The following RNF150 variants were observed in gnomAD, a reference collection of about 807,000 sequenced individuals.
RNF150 encodes ring finger protein 150.
RNF150 carries 24 observed loss-of-function variants against 39.3 expected under a neutral mutation model. The observed-to-expected ratio is 0.61, with a 90% CI of 0.44 to 0.86. The LOEUF (loss-of-function observed/expected upper bound fraction) is 0.86, where lower values mean the gene tolerates loss of function less well. RNF150 is among the 40% of genes least tolerant of loss of function. The probability of loss-of-function intolerance (pLI) is 0.00; values close to 1 mark genes in which losing one functional copy is unlikely to be tolerated. For synonymous variants in RNF150, 255 were observed against 227.3 expected, an observed-to-expected ratio of 1.12 and a Z score of -1.10; for missense variants, 502 against 587.8, an observed-to-expected ratio of 0.85 and a Z score of 1.51.
intron 1 of RNF150, among the ~76,000 whole-genome samples, chr4:141,099,412 A>G (rs1466586370): frequency 6.6e-6 from 1 of 152,172 alleles, no homozygotes; most frequent in Non-Finnish European, 1.5e-5. Flanking sequence ...TGGCTCAGAA[A>G]GCAGAAAAAG....
intron 1 of RNF150, among the ~76,000 whole-genome samples, chr4:141,167,880 T>C (rs981123637): frequency 6.6e-6 from 1 of 152,194 alleles, no homozygotes; most frequent in African/African-American, 2.4e-5. Flanking sequence ...GACATAGGCA[T>C]GGGCAAAGAC....
intron 1 of RNF150, among the ~76,000 whole-genome samples, chr4:141,103,306 T>A (rs1739080525): frequency 6.6e-6 from 1 of 152,254 alleles, no homozygotes; most frequent in South Asian, 2.1e-4. Context: ...CTCCGAGTTG[T>A]GAAGACTCTC....
At chr4:140,995,003 T>C (rs1439756273) in intron 1 of RNF150, among the ~76,000 whole-genome samples, 3 of 152,212 alleles carry the variant, frequency 2.0e-5, no homozygotes, top group African/African-American at 7.2e-5. Context: ...CCAGTTATAC[T>C]ATTTTATTAA....
chr4:141,028,862 A>G (rs1338330594), intron 1 of RNF150, among the ~76,000 whole-genome samples: 4 of 152,202 alleles, frequency 2.6e-5, no homozygotes, highest in Admixed American at 2.6e-4. Context: ...CCCACACACT[A>G]AAAGCCCATT....
intron 1 of RNF150, among the ~76,000 whole-genome samples, chr4:141,193,668 G>A (rs1021283100): frequency 4.6e-5 from 7 of 152,034 alleles, no homozygotes; most frequent in Non-Finnish European, 7.4e-5. Context: ...CAACAGGAAC[G>A]ACAGCAGCCA....
intron 2 of RNF150, among the ~76,000 whole-genome samples, chr4:140,963,297 G>A (rs1023614564): frequency 6.6e-6 from 1 of 151,946 alleles, no homozygotes; most frequent in African/African-American, 2.4e-5. Context: ...TTAACTTACA[G>A]AAAATTTCTA....
At chr4:141,116,405 G>C (rs1469846446) in intron 1 of RNF150, among the ~76,000 whole-genome samples, 1 of 152,134 alleles carries the variant, frequency 6.6e-6, no homozygotes, top group East Asian at 1.9e-4. Flanking sequence ...ATCATCACTG[G>C]TCATTAGAGG....
intron 1 of RNF150, among the ~76,000 whole-genome samples, chr4:141,185,767 T>C (rs1727996944): frequency 1.3e-5 from 2 of 152,264 alleles, no homozygotes; most frequent in South Asian, 4.1e-4. Context: ...CGAAAGCCTT[T>C]TCTGCATCTA....
At chr4:141,089,149 A>G (rs1738478786) in intron 1 of RNF150, among the ~76,000 whole-genome samples, 1 of 152,328 alleles carries the variant, frequency 6.6e-6, no homozygotes, top group East Asian at 1.9e-4. Context: ...GTTGGACTCC[A>G]GAAACCTCAA....
At chr4:141,008,590 G>A (rs73860249) in intron 1 of RNF150, among the ~76,000 whole-genome samples, 11,547 of 152,066 alleles carry the variant, frequency 0.076, 495 homozygotes, top group Middle Eastern at 0.16. Context: ...ATATGGCATG[G>A]GGCAGGGTTC....
chr4:140,915,073 T>C (rs1296714221), intron 5 of RNF150, among the ~76,000 whole-genome samples: 2 of 152,228 alleles, frequency 1.3e-5, no homozygotes, highest in African/African-American at 4.8e-5. Context: ...ATGAAATTCA[T>C]AAATACGATT....
chr4:141,096,200 T>TC (rs1459160517), intron 1 of RNF150, among the ~76,000 whole-genome samples: 1 of 127,564 alleles, frequency 7.8e-6, no homozygotes, highest in Non-Finnish European at 1.7e-5. Flanking sequence ...CTTTTTTTTT[T>TC]TTTTTTTTTT....
At chr4:141,011,786 A>C (rs1289643418) in intron 1 of RNF150, among the ~76,000 whole-genome samples, 3 of 152,232 alleles carry the variant, frequency 2.0e-5, no homozygotes, top group African/African-American at 7.2e-5. Flanking sequence ...AAAGTAGATT[A>C]ATAGTCACAA....
intron 6 of RNF150, among the ~76,000 whole-genome samples, chr4:140,880,535 C>T (rs1223003204): frequency 6.6e-6 from 1 of 150,692 alleles, no homozygotes; most frequent in African/African-American, 2.4e-5. Flanking sequence ...GAAGTGTCCC[C>T]TCCTCTCCAG....
chr4:141,003,330 A>T (rs1228617400), intron 1 of RNF150, among the ~76,000 whole-genome samples: 1 of 152,190 alleles, frequency 6.6e-6, no homozygotes, highest in Non-Finnish European at 1.5e-5. Flanking sequence ...TAACTTAGGC[A>T]GTGCCTCTCC....
In RNF150 at chr4:140,953,303, T is replaced by C. The variant is rs925079204; in HGVS notation, c.736-3931A>G. Among the ~76,000 whole-genome samples the C allele has an allele frequency of 2.6e-5, 4 of 152,224 alleles. No individual in the cohort carries two copies. The East Asian group carries it at 5.8e-4, about 22-fold the overall frequency. ...ATAATGGTATTCTCTTCCATTCCCT[T>C]TCCTGTGACATTCGTTGAGTCAAGC... On this transcript the variant is annotated intron_variant, in intron 2 of 6. Transcript: ENST00000515673.
At chr4:141,003,489 C>G (rs572384807) in intron 1 of RNF150, among the ~76,000 whole-genome samples, 1 of 151,658 alleles carries the variant, frequency 6.6e-6, no homozygotes, top group Non-Finnish European at 1.5e-5. Flanking sequence ...TGCTCTCTTA[C>G]GTTTCCCACT....
chr4:141,069,987 T>G (rs1026091841), intron 1 of RNF150, among the ~76,000 whole-genome samples: 17 of 152,278 alleles, frequency 1.1e-4, no homozygotes, highest in African/African-American at 3.9e-4. Flanking sequence ...CTATCAATTT[T>G]GTTGATCCTT....
At chr4:140,980,780 T>C (rs1291395794) in intron 1 of RNF150, among the ~76,000 whole-genome samples, 2 of 152,176 alleles carry the variant, frequency 1.3e-5, no homozygotes, top group Non-Finnish European at 2.9e-5. Context: ...CCTATGGAAC[T>C]GAGTCAATTA....
Sources: allele counts gnomAD v4.1 joint callset (sites outside exome capture counted in the v4.1 genomes callset), GRCh38; gene constraint gnomAD v4.1.1; transcripts MANE v1.5; gene names NCBI Gene and HGNC (gene_info 2026-07-23, HGNC 2026-07-21).